Variants in TRPM3 observed in about 807,000 individuals in gnomAD.
TRPM3 encodes long transient receptor potential channel 3.
TRPM3 carries 77 observed loss-of-function variants against 181.2 expected under a neutral mutation model. The observed-to-expected ratio is 0.42, with a 90% CI of 0.35 to 0.51. The LOEUF (loss-of-function observed/expected upper bound fraction) is 0.51. Ranked by LOEUF, TRPM3 falls within the 20% of genes least tolerant of loss-of-function variation. TRPM3 has a pLI of 0.01. For missense variants in TRPM3, 1,759 were observed against 2,196.7 expected (o/e 0.80, Z 3.98); for synonymous variants, 745 against 796.4 (o/e 0.94, Z 1.09).
At chr9:71,144,373 C>T (rs545856262) in intron 1 of TRPM3, among the ~76,000 whole-genome samples, 1 of 152,286 alleles carries the variant, frequency 6.6e-6, no homozygotes, top group Non-Finnish European at 1.5e-5. Flanking sequence ...ACAACCTGAT[C>T]TATCTCTGGT....
chr9:70,810,447 C>T (rs2091808438), intron 6 of TRPM3, among the ~76,000 whole-genome samples: 1 of 151,776 alleles, frequency 6.6e-6, no homozygotes, highest in African/African-American at 2.4e-5. Flanking sequence ...AGGTCCTCTG[C>T]TTGCCTCCAT....
rs551668512 is a variant in TRPM3 at position 71,296,390 on chromosome 9, T to C, written c.183+150263A>G. 3.3e-5 allele frequency among the ~76,000 whole-genome samples: 5 copies of C among 152,260 alleles called. No individual in the cohort carries two copies. In the East Asian group the frequency reaches 9.6e-4, roughly 29 times the overall value. ...TGGAGGCTACTTTTTCCTAGGGCAATGGAGGATTTCCTCTCTAAGAATGTA... is the reference window on the plus strand; with the variant it reads ...TGGAGGCTACTTTTTCCTAGGGCAACGGAGGATTTCCTCTCTAAGAATGTA... On this transcript the variant is annotated intron_variant, in intron 1 of 24. Coordinates refer to the TRPM3 transcript ENST00000357533.
chr9:71,131,671 G>A (rs1466181249), intron 1 of TRPM3, among the ~76,000 whole-genome samples: 1 of 152,116 alleles, frequency 6.6e-6, no homozygotes, highest in Non-Finnish European at 1.5e-5. Context: ...GTGCCCTTTT[G>A]CTTCCCCAAA....
intron 1 of TRPM3, among the ~76,000 whole-genome samples, chr9:71,359,881 A>G (rs917855961): frequency 6.6e-6 from 1 of 152,146 alleles, no homozygotes; most frequent in Non-Finnish European, 1.5e-5. Context: ...GTAAATTTAA[A>G]GAATGGGATG....
intron 1 of TRPM3, among the ~76,000 whole-genome samples, chr9:70,907,022 C>T (rs2096476033): frequency 6.6e-6 from 1 of 152,158 alleles, no homozygotes; most frequent in Non-Finnish European, 1.5e-5. Context: ...GAGCTGTATA[C>T]ATTTGTTATC....
intron 1 of TRPM3, among the ~76,000 whole-genome samples, chr9:71,400,671 T>G (rs1301163183): frequency 6.6e-6 from 1 of 152,178 alleles, no homozygotes; most frequent in East Asian, 1.9e-4. Flanking sequence ...ACCAAGGACC[T>G]GCCATAGTTT....
intron 1 of TRPM3, among the ~76,000 whole-genome samples, chr9:71,106,894 A>T (rs1042026092): frequency 6.6e-6 from 1 of 152,192 alleles, no homozygotes; most frequent in Admixed American, 6.5e-5. Flanking sequence ...AAAAGTGAAG[A>T]TCCCTCCTAC....
At chr9:70,601,728 G>A (rs1159760682) in intron 20 of TRPM3, among the ~76,000 whole-genome samples, 2 of 152,144 alleles carry the variant, frequency 1.3e-5, no homozygotes, top group Admixed American at 6.5e-5. Flanking sequence ...TCCAGGCCTC[G>A]AGGCTCCTGG....
At chr9:71,440,212 C>T (rs2094116985) in intron 1 of TRPM3, among the ~76,000 whole-genome samples, 1 of 152,104 alleles carries the variant, frequency 6.6e-6, no homozygotes, top group South Asian at 2.1e-4. Flanking sequence ...AAGGATTATC[C>T]TAGCAGAACT....
At chr9:71,443,951 C>T (rs544820722) in intron 1 of TRPM3, among the ~76,000 whole-genome samples, 1 of 152,002 alleles carries the variant, frequency 6.6e-6, no homozygotes, top group Non-Finnish European at 1.5e-5. Context: ...GAGGCCAAGG[C>T]GGGCAGATCA....
At chr9:70,700,710 C>T (rs2072243312) in intron 8 of TRPM3, among the ~76,000 whole-genome samples, 1 of 152,168 alleles carries the variant, frequency 6.6e-6, no homozygotes, top group Admixed American at 6.5e-5. Context: ...AAACTTTCAT[C>T]AGATTGATCT....
chr9:71,042,691 T>C (rs2058968495), intron 1 of TRPM3, among the ~76,000 whole-genome samples: 1 of 152,234 alleles, frequency 6.6e-6, no homozygotes. Flanking sequence ...TAGAAGTTTC[T>C]GCCCTCTGAC....
intron 1 of TRPM3, among the ~76,000 whole-genome samples, chr9:71,037,195 T>C (rs1472016107): frequency 6.6e-6 from 1 of 152,222 alleles, no homozygotes; most frequent in Admixed American, 6.5e-5. Flanking sequence ...CTTGATCTAT[T>C]CTTATTATGA....
In TRPM3 at chr9:70,687,625, G is replaced by T. The variant is rs2067312074; in HGVS notation, c.1273-6047C>A. Reference sequence around the variant, plus strand: ...CTCTCTTGTGGACAGATTACCTTAGGCTAGATGGAATTTTGATTCTCACGT... The same window carrying T: ...CTCTCTTGTGGACAGATTACCTTAGTCTAGATGGAATTTTGATTCTCACGT... On this transcript the variant is annotated intron_variant, in intron 8 of 25. Transcript: ENST00000677713. 1.3e-5 allele frequency among the ~76,000 whole-genome samples: 2 copies of T among 152,110 alleles called. 1 individual carries two copies. The highest frequency in any genetic ancestry group is 4.1e-4 in the South Asian group (2 of 4,822).
rs1292538621 is a variant in TRPM3 at position 70,536,869 on chromosome 9, T to C, written c.4244A>G (p.Tyr1415Cys). Residue 1415 changes from tyrosine (Y) to cysteine (C), a missense_variant, in exon 26 of 26, where the codon TAT (tyrosine) becomes TGT (cysteine). Tyr to Cys is a radical substitution (Grantham distance 194, BLOSUM62 -2). This residue lies in a region of TRPM3 where 612 missense variants were observed against 590.0 expected (regional missense o/e 1.04). Coordinates refer to ENST00000677713, the MANE Select transcript of TRPM3 (RefSeq NM_001366145.2). ...SRRPSSCIDI[Y>C]VSAMDELHCD... ...GTGGAGCTCATCCATAGCAGAGACA[T>C]AGATGTCTATACACGATGATGGTCT... is the stretch of plus-strand genomic sequence containing the variant. The C allele has an allele frequency of 3.7e-6, 6 of 1,614,038 alleles. 1 individual carries two copies. Among genetic ancestry groups the C allele is most frequent in the Admixed American group, 3.3e-5 (2 of 60,004 alleles).
chr9:71,269,334 G>T (rs554601505), intron 1 of TRPM3, among the ~76,000 whole-genome samples: 1 of 152,150 alleles, frequency 6.6e-6, no homozygotes, highest in Non-Finnish European at 1.5e-5. Flanking sequence ...GCTAGATTCT[G>T]TTACCATTGA....
At chr9:71,330,464 ATGCCAGCTACT>A (rs142761517) in intron 1 of TRPM3, among the ~76,000 whole-genome samples, 3,629 of 151,930 alleles carry the variant, frequency 0.024, 169 homozygotes, top group African/African-American at 0.081. Flanking sequence ...TATTTATTGA[ATGCCAGCTACT>A]TACCAGCTAT....
At chr9:70,792,702 A>T (rs1355320620) in intron 6 of TRPM3, among the ~76,000 whole-genome samples, 3 of 151,178 alleles carry the variant, frequency 2.0e-5, no homozygotes, top group Non-Finnish European at 2.9e-5. Context: ...TATAGCTGGG[A>T]TTATTGGTAA....
intron 1 of TRPM3, among the ~76,000 whole-genome samples, chr9:71,099,540 C>T (rs1005898701): frequency 2.0e-5 from 3 of 152,048 alleles, no homozygotes; most frequent in Non-Finnish European, 4.4e-5. Flanking sequence ...GCCAGCTCAC[C>T]CCTCCTCTCT....
Sources: gnomAD v4.1 joint callset for allele counts (sites outside exome capture counted in the v4.1 genomes callset) on GRCh38, gnomAD v4.1.1 for gene constraint, gnomAD v4.1.1 regional missense constraint, MANE v1.5 for transcripts, NCBI Gene and HGNC (gene_info 2026-07-23, HGNC 2026-07-21) for gene names.